VAV2: variants seen among roughly 807,000 people sequenced by gnomAD.
The protein encoded by VAV2 is guanine nucleotide exchange factor VAV2.
Under a neutral mutation model 132.5 loss-of-function variants are expected in VAV2, and 67 were observed. The ratio of observed to expected loss-of-function variants is 0.51; its 90% CI spans 0.42 to 0.62. VAV2 has a LOEUF of 0.62. Among genes scored for constraint, VAV2 ranks in the 20% least tolerant of loss-of-function variants. VAV2 has a pLI of 0.00. For synonymous variants in VAV2, 492 were observed against 443.5 expected (o/e 1.11, Z -1.37); for missense variants, 938 against 1,153.6 (o/e 0.81, Z 2.71).
chr9:133,846,573 C>T (rs1052261696), intron 3 of VAV2, among the ~76,000 whole-genome samples: 1 of 134,742 alleles, frequency 7.4e-6, no homozygotes, highest in African/African-American at 2.9e-5. Context: ...GCCCTGGCCC[C>T]GGCCGCTCTC....
intron 2 of VAV2, among the ~76,000 whole-genome samples, chr9:133,937,517 CGCGTGTGAGAGT>C (rs1564480840): frequency 9.4e-6 from 1 of 106,274 alleles, no homozygotes; most frequent in African/African-American, 3.3e-5. Context: ...AGTGTGTGTG[CGCGTGTGAGAGT>C]GTGTGTGAGA....
chr9:133,908,370 T>C (rs1435361876), intron 2 of VAV2, among the ~76,000 whole-genome samples: 2 of 152,024 alleles, frequency 1.3e-5, no homozygotes, highest in Non-Finnish European at 2.9e-5. Context: ...AAACCCCCCA[T>C]GCGAGGCCAG....
At chr9:133,939,029 G>T in intron 2 of VAV2, 74 bp downstream of exon 2, 1 of 1,387,402 alleles carries the variant, frequency 7.2e-7, no homozygotes, top group Non-Finnish European at 1.0e-6. Context: ...CCATGGATCT[G>T]GCCCACCTGC....
rs1436628922 is a variant in VAV2 at position 133,992,218 on chromosome 9, G to C, written c.61C>G (p.His21Asp). ...ACGGCCGAGGGCCACACCACCCGGT[G>C]GTTGGGCGGCAGGACCTTGCAATCG... is the stretch of plus-strand genomic sequence containing the variant. Reference protein sequence around the residue: ...LIDCKVLPPNHRVVWPSAVVF... With the variant: ...LIDCKVLPPNDRVVWPSAVVF... Residue 21 changes from histidine (H) to aspartate (D), a missense_variant, in exon 1 of 30, where the codon CAC (histidine) becomes GAC (aspartate). By Grantham distance (81) the His-to-Asp change is moderately conservative. Coordinates refer to ENST00000371850, the MANE Select transcript of VAV2 (RefSeq NM_001134398.2). The surrounding 1 kb of genome is among the most constrained non-coding windows in gnomAD (Gnocchi z 5.5). 6.3e-7 allele frequency: 1 copy of C among 1,594,436 alleles called. No individual in the cohort carries two copies. The highest frequency in any genetic ancestry group is 8.5e-7 in the Non-Finnish European group (1 of 1,171,094).
At chr9:133,865,865 A>G (rs1837778016) in intron 2 of VAV2, among the ~76,000 whole-genome samples, 1 of 152,204 alleles carries the variant, frequency 6.6e-6, no homozygotes, top group African/African-American at 2.4e-5. Context: ...CCAGGCTCTG[A>G]GAGACATAAC....
chr9:133,895,341 T>G (rs1375226964), intron 2 of VAV2, among the ~76,000 whole-genome samples: 1 of 152,106 alleles, frequency 6.6e-6, no homozygotes, highest in African/African-American at 2.4e-5. Context: ...TTCAAGCCTG[T>G]CTGTAACATG....
At chr9:133,821,070 C>T (rs1835769009) in intron 4 of VAV2, among the ~76,000 whole-genome samples, 1 of 152,250 alleles carries the variant, frequency 6.6e-6, no homozygotes, top group African/African-American at 2.4e-5. Flanking sequence ...GCCACGTCTG[C>T]AAGTGGCTCT....
At chr9:133,905,433 C>CAAAAA (rs5901029) in intron 2 of VAV2, among the ~76,000 whole-genome samples, 2,954 of 113,046 alleles carry the variant, frequency 0.026, 78 homozygotes, top group African/African-American at 0.036. Flanking sequence ...GAAACTGTCT[C>CAAAAA]AAAAAAAAAA....
At chr9:133,956,215 CAATT>C (rs907636544) in intron 1 of VAV2, among the ~76,000 whole-genome samples, 1 of 152,030 alleles carries the variant, frequency 6.6e-6, no homozygotes, top group Non-Finnish European at 1.5e-5. Context: ...GGGGTTCTGA[CAATT>C]AAAAACAGGT....
At chr9:133,854,389 C>T (rs1837311261) in intron 3 of VAV2, among the ~76,000 whole-genome samples, 1 of 152,244 alleles carries the variant, frequency 6.6e-6, no homozygotes, top group African/African-American at 2.4e-5. Context: ...TTTGTTCTGC[C>T]TAAACTTGGA....
chr9:133,780,171 T>C, intron 20 of VAV2: 2 of 565,896 alleles, frequency 3.5e-6, no homozygotes, highest in East Asian at 6.4e-5. Context: ...TCTCTCCCAC[T>C]CCTTACCACG....
At position 133,954,636 on chromosome 9, in the gene VAV2, T is replaced by C. The variant is rs149164241; in HGVS notation, c.205-15417A>G. 3.1e-4 allele frequency among the ~76,000 whole-genome samples: 47 copies of C among 152,318 alleles called. 1 individual carries two copies. The highest frequency in any genetic ancestry group is 1.1e-3 in the African/African-American group (45 of 41,584). On this transcript the variant is annotated intron_variant, in intron 1 of 29. Coordinates refer to ENST00000371850, the MANE Select transcript of VAV2 (RefSeq NM_001134398.2). ...ACACACCTGTGGGGCGGGCGGGGGA[T>C]GCTGCTGATGCTCGAGCAGGGCAAG... is the stretch of plus-strand genomic sequence containing the variant.
chr9:133,935,974 C>T lies in VAV2; in HGVS notation c.321+3129G>A, dbSNP rs181291305. Among the ~76,000 whole-genome samples, 3 of 152,186 alleles carry T rather than the reference C, an allele frequency of 2.0e-5. No homozygotes were observed. Among genetic ancestry groups the T allele is most frequent in the East Asian group, 1.9e-4 (1 of 5,192 alleles). The stretch of plus-strand genomic sequence containing the variant: ...GGAGGCAAAGGGCATGGCTCAGATG[C>T]GGAGACCAGAAGCAGCAAGGCCCCA... On this transcript the variant is annotated intron_variant, in intron 2 of 29. Transcript: ENST00000371850. This position sits in a 1 kb window ranked among gnomAD's most constrained non-coding sequence, Gnocchi z 5.2.
chr9:133,806,895 T>C (rs933421048), intron 8 of VAV2, among the ~76,000 whole-genome samples: 2 of 152,230 alleles, frequency 1.3e-5, no homozygotes, highest in African/African-American at 4.8e-5. Context: ...TGCCTTTCTA[T>C]GACTGAGTTC....
chr9:133,894,599 T>A (rs1398235341), intron 2 of VAV2, among the ~76,000 whole-genome samples: 1 of 151,764 alleles, frequency 6.6e-6, no homozygotes, highest in Non-Finnish European at 1.5e-5. Flanking sequence ...CCCAGCAGGG[T>A]TCACAGGCTC....
intron 18 of VAV2, 57 bp downstream of exon 18, chr9:133,784,260 A>G: frequency 6.4e-7 from 1 of 1,558,218 alleles, no homozygotes; most frequent in Non-Finnish European, 8.9e-7. Flanking sequence ...AAGCTCTCTC[A>G]GGGGCCTGGG....
At chr9:133,786,027 T>C (rs779536856) in intron 16 of VAV2, 142 bp from the exon 17 acceptor site, 3 of 754,560 alleles carry the variant, frequency 4.0e-6, no homozygotes, top group Non-Finnish European at 6.8e-6. Context: ...TGTGAACACA[T>C]GTTCTCACGT....
At chr9:133,944,209 C>T (rs1414302776) in intron 1 of VAV2, among the ~76,000 whole-genome samples, 2 of 152,186 alleles carry the variant, frequency 1.3e-5, no homozygotes, top group African/African-American at 2.4e-5. Context: ...GGCAGCCCAC[C>T]GAGAGCAGGG....
intron 2 of VAV2, among the ~76,000 whole-genome samples, chr9:133,923,346 T>C (rs889900569): frequency 1.3e-5 from 2 of 152,262 alleles, no homozygotes; most frequent in African/African-American, 2.4e-5. Context: ...TCTGGGTATA[T>C]AGCCAGAAGA....
Sources: allele counts gnomAD v4.1 joint callset (sites outside exome capture counted in the v4.1 genomes callset), GRCh38; gene constraint gnomAD v4.1.1; non-coding constraint Gnocchi (gnomAD v3.1); transcripts MANE v1.5; gene names NCBI Gene and HGNC (gene_info 2026-07-23, HGNC 2026-07-21).